The following ANK2 variants were observed in gnomAD, a reference collection of about 807,000 sequenced individuals.
ANK2 encodes ankyrin-2.
Under a neutral mutation model 360.5 loss-of-function variants are expected in ANK2, and 83 were observed. The ratio of observed to expected loss-of-function variants is 0.23; its 90% CI spans 0.19 to 0.28. The LOEUF is 0.28. Among genes scored for constraint, ANK2 ranks in the 10% least tolerant of loss-of-function variants. The pLI is 1.00. For synonymous variants in ANK2, 1,740 were observed against 1,759.5 expected (o/e 0.99, Z 0.28); for missense variants, 4,201 against 4,795.7 (o/e 0.88, Z 3.66).
At chr4:113,315,847 C>T (rs558978184) in intron 24 of ANK2, among the ~76,000 whole-genome samples, 3 of 144,256 alleles carry the variant, frequency 2.1e-5, no homozygotes, top group Non-Finnish European at 4.5e-5. Flanking sequence ...CACTGAGCCA[C>T]GATCGCGCCA....
chr4:113,369,205 A>G (rs1276601883), intron 42 of ANK2, among the ~76,000 whole-genome samples: 2 of 152,228 alleles, frequency 1.3e-5, no homozygotes, highest in East Asian at 3.8e-4. Flanking sequence ...ACCTTGAGTT[A>G]TAAAAGAAAA....
At chr4:113,150,887 G>A (rs2097048454) in intron 1 of ANK2, among the ~76,000 whole-genome samples, 1 of 152,210 alleles carries the variant, frequency 6.6e-6, no homozygotes. Context: ...ATATACTAGT[G>A]AAAGGCCATT....
chr4:113,301,493 T>C (rs1169985262), intron 22 of ANK2, among the ~76,000 whole-genome samples: 1 of 152,118 alleles, frequency 6.6e-6, no homozygotes, highest in Non-Finnish European at 1.5e-5. Flanking sequence ...TGAGCGCACT[T>C]AAAATCTACT....
chr4:113,373,518 T>A (rs2154075631), intron 45 of ANK2, 69 bp downstream of exon 45: 1,409 of 1,282,642 alleles, frequency 1.1e-3, no homozygotes, highest in Non-Finnish European at 1.5e-3. Flanking sequence ...GAAAGATGAG[T>A]GAGATTGTTT....
rs562390336 is a variant in ANK2 at position 112,819,994 on chromosome 4, A to G, written c.-40+1730A>G. On this transcript the variant is annotated intron_variant, in intron 1 of 30. Transcript: ENST00000503271. ...GATAAAACGATGCTCATCCTTGGGC[A>G]CATGGATTCCTCGGTCACAAAACTG... Among the ~76,000 whole-genome samples, 8 of 152,380 alleles carry G rather than the reference A, an allele frequency of 5.3e-5. 1 individual carries two copies. In the East Asian group the frequency reaches 7.7e-4, roughly 15 times the overall value.
At chr4:113,376,285 C>T (rs560885356) in intron 45 of ANK2, among the ~76,000 whole-genome samples, 2 of 152,290 alleles carry the variant, frequency 1.3e-5, no homozygotes, top group African/African-American at 4.8e-5. Flanking sequence ...CAAACCTGCA[C>T]AGCATGTTAC....
chr4:113,198,012 C>T (rs2098774977), intron 3 of ANK2, among the ~76,000 whole-genome samples: 1 of 152,078 alleles, frequency 6.6e-6, no homozygotes, highest in Non-Finnish European at 1.5e-5. Context: ...TATTTTTTGT[C>T]TTTTTAGTAA....
intron 1 of ANK2, among the ~76,000 whole-genome samples, chr4:113,120,640 T>C (rs2095290893): frequency 6.6e-6 from 1 of 152,152 alleles, no homozygotes; most frequent in South Asian, 2.1e-4. Flanking sequence ...ATGTTCAGGA[T>C]GTGCAGGTTT....
chr4:113,077,472 C>CT (rs1409455848), intron 1 of ANK2, among the ~76,000 whole-genome samples: 1 of 151,954 alleles, frequency 6.6e-6, no homozygotes, highest in Non-Finnish European at 1.5e-5. Context: ...TTTTTAAAAT[C>CT]TGGGTTGTTT....
chr4:113,247,831 C>T (rs3025737), intron 9 of ANK2, among the ~76,000 whole-genome samples: 4,279 of 152,216 alleles, frequency 0.028, 97 homozygotes, highest in East Asian at 0.068. Context: ...CCTAGGTCTC[C>T]ACAAAGCCCT....
intron 4 of ANK2, 75 bp from the exon 5 acceptor site, chr4:113,232,086 T>C (rs2099314530): frequency 4.0e-6 from 4 of 1,006,532 alleles, no homozygotes; most frequent in Admixed American, 1.7e-5. Flanking sequence ...ATCTTCCCTA[T>C]GTCGAAGGTT....
intron 2 of ANK2, among the ~76,000 whole-genome samples, chr4:113,178,213 G>A (rs1012866349): frequency 5.3e-5 from 8 of 152,004 alleles, no homozygotes; most frequent in South Asian, 2.1e-4. Context: ...AGCTATGATC[G>A]TGCCACTGTG....
intron 2 of ANK2, among the ~76,000 whole-genome samples, chr4:113,024,836 A>G (rs1257724778): frequency 2.6e-5 from 4 of 152,168 alleles, no homozygotes; most frequent in Admixed American, 2.0e-4. Flanking sequence ...ATAGTGATGA[A>G]AAGTAGAATG....
At chr4:113,109,254 C>T (rs2171060) in intron 1 of ANK2, among the ~76,000 whole-genome samples, 29,634 of 152,112 alleles carry the variant, frequency 0.19, 2,965 homozygotes, top group Non-Finnish European at 0.22. Context: ...TTCACAGTGC[C>T]TTGTTCACAG....
intron 1 of ANK2, among the ~76,000 whole-genome samples, chr4:112,819,849 C>G (rs576538847): frequency 6.6e-6 from 1 of 152,276 alleles, no homozygotes; most frequent in African/African-American, 2.4e-5. Flanking sequence ...TTAGCCATTT[C>G]TTGTAGACGA....
At position 113,358,665 on chromosome 4, in the gene ANK2, T is replaced by G; in HGVS notation, c.10047T>G (p.Pro3349=). 1 of 1,614,048 alleles carries G rather than the reference T, an allele frequency of 6.2e-7. No individual in the cohort carries two copies. Among genetic ancestry groups the G allele is most frequent in the Non-Finnish European group, 8.5e-7 (1 of 1,179,960 alleles). ...ADEAKPKSKL[P]VKVPLQRVEQ... is the part of the protein sequence containing the mutation. ...AAGCAAAACCAAAGTCCAAACTCCC[T>G]GTCAAAGTACCCCTCCAAAGAGTTG... is the stretch of plus-strand genomic sequence containing the variant. The change falls in exon 38 of 46, where the codon CCT becomes CCG. Residue 3349 remains proline, a synonymous_variant. Transcript: ENST00000357077.
rs375167175 is a variant in ANK2 at position 113,258,400 on chromosome 4, G to A, written c.1375G>A (p.Val459Ile). The change falls in exon 13 of 46, where the codon GTC becomes ATC. Residue 459 changes from valine to isoleucine, a missense_variant. Val to Ile is a conservative substitution (Grantham distance 29). Around this residue, in one of 4 missense-constraint regions of ANK2, gnomAD observed 1,268 missense variants for 1,650.8 expected, o/e 0.77. Coordinates refer to ENST00000357077, the MANE Select transcript of ANK2 (RefSeq NM_001148.6). ...LLLQNGASPD[V>I]TNIRGETALH... The stretch of plus-strand genomic sequence containing the variant: ...GCTGCAGAACGGAGCCTCTCCAGAT[G>A]TCACTAACATTGTGAGTATGGCTTG... The A allele has an allele frequency of 4.3e-6, 7 of 1,613,670 alleles. 1 individual carries two copies. Among genetic ancestry groups the A allele is most frequent in the African/African-American group, 2.7e-5 (2 of 74,898 alleles).
chr4:113,184,209 A>G (rs2098470860), intron 2 of ANK2, among the ~76,000 whole-genome samples: 1 of 151,772 alleles, frequency 6.6e-6, no homozygotes, highest in Non-Finnish European at 1.5e-5. Context: ...CTAAAGGATC[A>G]GTGTGGGAGT....
At chr4:113,317,326 G>A in intron 24 of ANK2, 1 of 278,980 alleles carries the variant, frequency 3.6e-6, no homozygotes, top group Admixed American at 4.7e-5. Flanking sequence ...TTTCTTAGTT[G>A]CAGAGAGATT....
Sources: gnomAD v4.1 joint callset for allele counts (sites outside exome capture counted in the v4.1 genomes callset) on GRCh38, gnomAD v4.1.1 for gene constraint, gnomAD v4.1.1 regional missense constraint, MANE v1.5 for transcripts, NCBI Gene and HGNC (gene_info 2026-07-23, HGNC 2026-07-21) for gene names.